The following PALLD variants were observed in gnomAD, a reference collection of about 807,000 sequenced individuals.
PALLD encodes the protein palladin.
Under a neutral mutation model 123.5 loss-of-function variants are expected in PALLD, and 61 were observed. The observed-to-expected ratio is 0.49, with a 90% CI of 0.40 to 0.61. The LOEUF is 0.61. Ranked by LOEUF, PALLD falls within the 20% of genes least tolerant of loss-of-function variation. The pLI is 0.00. For missense variants in PALLD, 1,273 were observed against 1,377.0 expected (o/e 0.92, Z 1.20); for synonymous variants, 465 against 496.4 (o/e 0.94, Z 0.84).
intron 10 of PALLD, among the ~76,000 whole-genome samples, chr4:168,792,792 A>G (rs561309238): frequency 1.4e-5 from 2 of 146,768 alleles, no homozygotes; most frequent in Admixed American, 6.9e-5. Context: ...TTTGAGATGG[A>G]GTCTCACTCT....
chr4:168,548,797 G>T (rs1030129411), intron 2 of PALLD, among the ~76,000 whole-genome samples: 1 of 152,192 alleles, frequency 6.6e-6, no homozygotes, highest in East Asian at 1.9e-4. Context: ...TACCGTAAAT[G>T]ATTTTATTCT....
intron 2 of PALLD, among the ~76,000 whole-genome samples, chr4:168,619,043 G>A (rs1774495746): frequency 6.6e-6 from 1 of 152,186 alleles, no homozygotes; most frequent in Non-Finnish European, 1.5e-5. Flanking sequence ...GAGGCCTGCT[G>A]GCTCCATCTT....
rs114989701 is a variant in PALLD at position 168,765,051 on chromosome 4, T to C, written c.1964+53128T>C. ...AGGTAGCCTCCCTTCTAGGTCTTCT[T>C]TTACAGTGTGATGGTTATCAGGCTT... On this transcript the variant is annotated intron_variant, in intron 10 of 21. Transcript: ENST00000505667. 3.6e-3 allele frequency among the ~76,000 whole-genome samples: 549 copies of C among 152,304 alleles called. 3 individuals are homozygous for C. Among genetic ancestry groups the C allele is most frequent in the African/African-American group, 0.013 (523 of 41,552 alleles).
At chr4:168,738,113 G>A (rs74607161) in intron 10 of PALLD, among the ~76,000 whole-genome samples, 3,664 of 152,288 alleles carry the variant, frequency 0.024, 132 homozygotes, top group African/African-American at 0.074. Flanking sequence ...ATTTTTCATT[G>A]ATTTGTGGCC....
chr4:168,656,123 A>G (rs1010994394), intron 2 of PALLD, among the ~76,000 whole-genome samples: 11 of 152,188 alleles, frequency 7.2e-5, no homozygotes, highest in Non-Finnish European at 2.9e-5. Flanking sequence ...TCCAAGTTAC[A>G]ACAATAGCTA....
At chr4:168,536,095 C>T (rs13145788) in intron 2 of PALLD, among the ~76,000 whole-genome samples, 45,515 of 152,094 alleles carry the variant, frequency 0.3, 7,893 homozygotes, top group East Asian at 0.57. Flanking sequence ...TAACAGCTTT[C>T]TGTTCCCCTT....
At chr4:168,664,068 T>G (rs1241745148) in intron 2 of PALLD, among the ~76,000 whole-genome samples, 1 of 152,214 alleles carries the variant, frequency 6.6e-6, no homozygotes, top group East Asian at 1.9e-4. Context: ...TTTCCTTATT[T>G]AAGGCCCTGG....
chr4:168,768,741 C>T (rs745385344), intron 10 of PALLD, among the ~76,000 whole-genome samples: 10 of 152,120 alleles, frequency 6.6e-5, no homozygotes, highest in East Asian at 1.9e-4. Context: ...GATGCCATCT[C>T]GGCTCACTGC....
intron 2 of PALLD, among the ~76,000 whole-genome samples, chr4:168,543,829 A>G (rs951063920): frequency 1.3e-5 from 2 of 152,224 alleles, no homozygotes; most frequent in Admixed American, 1.3e-4. Context: ...AGTTCTCAGC[A>G]GAGACATTAG....
chr4:168,755,081 A>G (rs1053623649), intron 10 of PALLD, among the ~76,000 whole-genome samples: 17 of 152,126 alleles, frequency 1.1e-4, no homozygotes, highest in Admixed American at 7.9e-4. Flanking sequence ...AAATACAAAA[A>G]AATTAGCCAG....
At chr4:168,626,482 G>C (rs1775304869) in intron 2 of PALLD, among the ~76,000 whole-genome samples, 1 of 151,828 alleles carries the variant, frequency 6.6e-6, no homozygotes, top group South Asian at 2.1e-4. Flanking sequence ...GGCAGAGGCG[G>C]GTGGATTGCT....
intron 2 of PALLD, among the ~76,000 whole-genome samples, chr4:168,609,318 T>C (rs916955553): frequency 4.5e-5 from 4 of 88,300 alleles, no homozygotes; most frequent in Admixed American, 3.7e-4. Context: ...GACGAGGAGA[T>C]AAGAAAGCAG....
chr4:168,809,809 A>G (rs529810519), intron 10 of PALLD, among the ~76,000 whole-genome samples: 2 of 151,692 alleles, frequency 1.3e-5, no homozygotes, highest in East Asian at 3.9e-4. Flanking sequence ...AGTTGCAGTG[A>G]GCTGAGATTG....
intron 8 of PALLD, among the ~76,000 whole-genome samples, chr4:168,694,424 G>A (rs780080098): frequency 1.3e-5 from 2 of 151,732 alleles, no homozygotes; most frequent in African/African-American, 2.4e-5. Context: ...ACTCTTGCTC[G>A]CTCTCTCCCC....
At chr4:168,505,811 A>G (rs1013764802) in intron 1 of PALLD, among the ~76,000 whole-genome samples, 3 of 152,224 alleles carry the variant, frequency 2.0e-5, no homozygotes, top group East Asian at 1.9e-4. Flanking sequence ...AATTGCCTTT[A>G]TATGTGTTAT....
chr4:168,640,590 G>A (rs188420193), intron 2 of PALLD, among the ~76,000 whole-genome samples: 1 of 152,222 alleles, frequency 6.6e-6, no homozygotes, highest in African/African-American at 2.4e-5. Flanking sequence ...TAGATTCAGA[G>A]ATAACTGACT....
chr4:168,535,838 G>A (rs1765039363), intron 2 of PALLD, among the ~76,000 whole-genome samples: 1 of 152,126 alleles, frequency 6.6e-6, no homozygotes, highest in African/African-American at 2.4e-5. Flanking sequence ...AGGGGTAAGT[G>A]AGCAAAAGCA....
At chr4:168,556,721 A>C (rs1767343125) in intron 2 of PALLD, among the ~76,000 whole-genome samples, 3 of 152,220 alleles carry the variant, frequency 2.0e-5, no homozygotes, top group Admixed American at 2.0e-4. Context: ...AAACCAGCCT[A>C]ACAAAAAAGA....
chr4:168,631,704 C>T (rs1209894995), intron 2 of PALLD: 2 of 985,382 alleles, frequency 2.0e-6, no homozygotes, highest in South Asian at 4.7e-5. Context: ...CCGGCGGGGC[C>T]CAGGACCTCT....
Sources: gnomAD v4.1 joint callset for allele counts (sites outside exome capture counted in the v4.1 genomes callset) on GRCh38, gnomAD v4.1.1 for gene constraint, MANE v1.5 for transcripts, NCBI Gene and HGNC (gene_info 2026-07-23, HGNC 2026-07-21) for gene names.